RABGAP1L: variants seen among roughly 807,000 people sequenced by gnomAD.
The protein encoded by RABGAP1L is RAB GTPase activating protein 1 like, also known as rab GTPase-activating protein 1-like.
A neutral mutation model predicts 137.7 loss-of-function variants in RABGAP1L; 63 were observed. The observed-to-expected ratio is 0.46, with a 90% confidence interval of 0.37 to 0.56. The LOEUF is 0.56. Ranked by LOEUF, RABGAP1L falls within the 20% of genes least tolerant of loss-of-function variation. The probability of loss-of-function intolerance (pLI) is 0.00; values close to 1 mark genes in which losing one functional copy is unlikely to be tolerated. For missense variants in RABGAP1L, 1,095 were observed against 1,244.0 expected (o/e 0.88, Z 1.80); for synonymous variants, 431 against 433.7 (o/e 0.99, Z 0.08).
At position 174,548,334 on chromosome 1, in the gene RABGAP1L, G is replaced by A. The variant is rs114695926; in HGVS notation, c.1711-89041G>A. Reference sequence around the variant, plus strand: ...ATCCATTTGTAAAATGATAGTTTTTGTTTTTAAAGTGCTCTATTACCCTTA... The same window carrying A: ...ATCCATTTGTAAAATGATAGTTTTTATTTTTAAAGTGCTCTATTACCCTTA... On this transcript the variant is annotated intron_variant, in intron 13 of 25. Transcript: ENST00000681986. 3,655 of 1,161,154 alleles carry A rather than the reference G, an allele frequency of 3.1e-3. 76 individuals carry two copies. In the African/African-American group the frequency reaches 0.05, roughly 16 times the overall value. The allele number at this position is 1,161,154 out of a possible 1,614,324, so 71.9% of individuals were successfully genotyped here.
intron 11 of RABGAP1L, among the ~76,000 whole-genome samples, chr1:174,314,846 G>C (rs1385915838): frequency 6.6e-6 from 1 of 152,010 alleles, no homozygotes; most frequent in East Asian, 1.9e-4. Flanking sequence ...CACTGTGGTC[G>C]AGAAGATGCT....
chr1:174,977,490 C>A (rs78773807), intron 22 of RABGAP1L, among the ~76,000 whole-genome samples: 2 of 152,294 alleles, frequency 1.3e-5, no homozygotes, highest in East Asian at 3.9e-4. Context: ...AGCCTGTAAG[C>A]AATTGATACC....
At chr1:174,907,661 CT>C (rs904104758) in intron 19 of RABGAP1L, among the ~76,000 whole-genome samples, 4 of 151,894 alleles carry the variant, frequency 2.6e-5, no homozygotes, top group South Asian at 4.2e-4. Flanking sequence ...CTATAAGATG[CT>C]TTTTTTTCTC....
In RABGAP1L at chr1:174,349,048, G is replaced by GT. The variant is rs1404711780; in HGVS notation, c.1466-21931_1466-21930insT. Among the ~76,000 whole-genome samples, 632 of 146,084 alleles carry GT rather than the reference G, an allele frequency of 4.3e-3. 18 individuals are homozygous for GT. Among genetic ancestry groups the GT allele is most frequent in the South Asian group, 0.012 (52 of 4,472 alleles). On this transcript the variant is annotated intron_variant, in intron 11 of 25. Coordinates refer to ENST00000681986, the MANE Select transcript of RABGAP1L (RefSeq NM_001366446.1). Reference sequence around the variant, plus strand: ...CGGACAGGGCGGCTGGCCGGGCGGGGGGGGGGCTGACCCCCCCCACCTCCC... The same window carrying GT: ...CGGACAGGGCGGCTGGCCGGGCGGGGTGGGGGGCTGACCCCCCCCACCTCCC...
chr1:174,924,859 G>A (rs1300517256), intron 19 of RABGAP1L, among the ~76,000 whole-genome samples: 1 of 152,034 alleles, frequency 6.6e-6, no homozygotes, highest in Non-Finnish European at 1.5e-5. Flanking sequence ...CAATACCTAA[G>A]TAAAAATCCA....
At chr1:174,834,762 C>T (rs892957770) in intron 19 of RABGAP1L, among the ~76,000 whole-genome samples, 1 of 152,080 alleles carries the variant, frequency 6.6e-6, no homozygotes, top group Non-Finnish European at 1.5e-5. Context: ...GCATAAAACT[C>T]TCTAGACAAG....
At chr1:174,756,201 A>G (rs1423231275) in intron 18 of RABGAP1L, among the ~76,000 whole-genome samples, 1 of 152,058 alleles carries the variant, frequency 6.6e-6, no homozygotes, top group African/African-American at 2.4e-5. Flanking sequence ...CAGGCTGCAG[A>G]GCGGTGGCAC....
intron 15 of RABGAP1L, among the ~76,000 whole-genome samples, chr1:174,689,154 T>G (rs948891593): frequency 1.3e-5 from 2 of 152,052 alleles, no homozygotes; most frequent in Admixed American, 1.3e-4. Context: ...TTCTGTTTGT[T>G]GTATTTCAGA....
intron 13 of RABGAP1L, among the ~76,000 whole-genome samples, chr1:174,636,781 T>G (rs1390180086): frequency 1.3e-5 from 2 of 152,176 alleles, no homozygotes; most frequent in African/African-American, 2.4e-5. Flanking sequence ...AGAGAGTACA[T>G]TCATCAAAAT....
intron 4 of RABGAP1L, among the ~76,000 whole-genome samples, chr1:174,235,214 CAG>C (rs1172106289): frequency 6.9e-6 from 1 of 145,450 alleles, no homozygotes; most frequent in Non-Finnish European, 1.5e-5. Context: ...TGTCTGCAAA[CAG>C]GGACAATTTG....
chr1:174,200,613 T>C (rs1031897735), intron 1 of RABGAP1L, among the ~76,000 whole-genome samples: 4 of 152,360 alleles, frequency 2.6e-5, no homozygotes, highest in East Asian at 3.9e-4. Context: ...AATTGTGTTA[T>C]ATTTAGTTTA....
chr1:174,219,893 G>A (rs1048062162), intron 2 of RABGAP1L, among the ~76,000 whole-genome samples: 1 of 152,098 alleles, frequency 6.6e-6, no homozygotes, highest in African/African-American at 2.4e-5. Context: ...ACAGGAATAG[G>A]AAAAGTAGTT....
Position 174,703,161 on chromosome 1 carries a change from T to G in RABGAP1L, c.2169+905T>G, listed in dbSNP as rs1038791252. 2.0e-5 allele frequency among the ~76,000 whole-genome samples: 3 copies of G among 152,200 alleles called. 1 individual carries two copies. Among genetic ancestry groups the G allele is most frequent in the Non-Finnish European group, 4.4e-5 (3 of 68,024 alleles). On this transcript the variant is annotated intron_variant, in intron 17 of 25. Coordinates refer to ENST00000681986, the MANE Select transcript of RABGAP1L (RefSeq NM_001366446.1). ...AATTTAAGGGGTACAAGTGATGTTT[T>G]GCTACGTGGATATATTGTGTAGTGG...
chr1:174,301,470 G>C (rs185852678), intron 10 of RABGAP1L, among the ~76,000 whole-genome samples: 2 of 151,464 alleles, frequency 1.3e-5, no homozygotes, highest in Admixed American at 1.3e-4. Flanking sequence ...TGTTGTGTGG[G>C]GCAGCTGCCC....
intron 13 of RABGAP1L, among the ~76,000 whole-genome samples, chr1:174,600,810 C>T (rs1258661561): frequency 6.6e-6 from 1 of 152,142 alleles, no homozygotes; most frequent in African/African-American, 2.4e-5. Context: ...GCAAACTGTC[C>T]GTGGATCTAC....
At chr1:174,907,749 GAAGA>G (rs1659349170) in intron 19 of RABGAP1L, among the ~76,000 whole-genome samples, 2 of 152,068 alleles carry the variant, frequency 1.3e-5, no homozygotes, top group Non-Finnish European at 1.5e-5. Context: ...TATTAGGTAG[GAAGA>G]AAGAAAGGAG....
At chr1:174,588,957 A>C (rs1474745995) in intron 13 of RABGAP1L, among the ~76,000 whole-genome samples, 1 of 152,152 alleles carries the variant, frequency 6.6e-6, no homozygotes, top group Non-Finnish European at 1.5e-5. Context: ...TTCTTTTGTG[A>C]ATATACCTAG....
chr1:174,509,750 T>C (rs1327146357), intron 13 of RABGAP1L, among the ~76,000 whole-genome samples: 1 of 152,202 alleles, frequency 6.6e-6, no homozygotes, highest in Non-Finnish European at 1.5e-5. Context: ...ACTAAATGAC[T>C]TCAAAGTCAA....
rs77744821 is a variant in RABGAP1L at position 174,470,327 on chromosome 1, T to G, written c.1710+76182T>G. Among the ~76,000 whole-genome samples the G allele has an allele frequency of 9.5e-3, 1,445 of 152,294 alleles. 23 individuals carry two copies. Among genetic ancestry groups the G allele is most frequent in the African/African-American group, 0.033 (1,386 of 41,560 alleles). On this transcript the variant is annotated intron_variant, in intron 13 of 25. Coordinates refer to ENST00000681986, the MANE Select transcript of RABGAP1L (RefSeq NM_001366446.1). ...TTTACATATGTACATTCTATGTAAA[T>G]TTGTTTGTATCAGAGAAGTGGTAAT...
Sources: gnomAD v4.1 joint callset for allele counts (sites outside exome capture counted in the v4.1 genomes callset) on GRCh38, gnomAD v4.1.1 for gene constraint, MANE v1.5 for transcripts, NCBI Gene and HGNC (gene_info 2026-07-23, HGNC 2026-07-21) for gene names.